ST3GAL3: variants seen among roughly 807,000 people sequenced by gnomAD.
ST3GAL3 encodes CMP-N-acetylneuraminate-beta-1,4-galactoside alpha-2,3-sialyltransferase.
In ST3GAL3, 21 loss-of-function variants were observed where a neutral mutation model predicts 50.1. The observed-to-expected ratio is 0.42, with a 90% CI of 0.30 to 0.60. The LOEUF (loss-of-function observed/expected upper bound fraction) is 0.60. ST3GAL3 is among the 20% of genes least tolerant of loss of function. ST3GAL3 has a pLI of 0.19. For missense variants in ST3GAL3, 353 were observed against 489.4 expected, an observed-to-expected ratio of 0.72 and a Z score of 2.63; for synonymous variants, 183 against 190.0, an observed-to-expected ratio of 0.96 and a Z score of 0.30.
intron 2 of ST3GAL3, among the ~76,000 whole-genome samples, chr1:43,750,984 G>T (rs1412533610): frequency 3.9e-5 from 6 of 151,904 alleles, no homozygotes; most frequent in Non-Finnish European, 8.8e-5. Context: ...AAATATTTTT[G>T]GTATATATGA....
At chr1:43,898,947 A>T in intron 7 of ST3GAL3, 1 of 600,988 alleles carries the variant, frequency 1.7e-6, no homozygotes, top group South Asian at 2.1e-5. Flanking sequence ...TTTCCTGGGG[A>T]AGTGTCAGGG....
At chr1:43,898,356 T>TTGA in intron 7 of ST3GAL3, 58 bp downstream of exon 7, 2 of 1,585,052 alleles carry the variant, frequency 1.3e-6, no homozygotes, top group South Asian at 1.1e-5. Flanking sequence ...TGCAGAGGTG[T>TTGA]TGAGGCCCAG....
At chr1:43,781,139 T>C (rs1237407828) in intron 2 of ST3GAL3, among the ~76,000 whole-genome samples, 1 of 152,160 alleles carries the variant, frequency 6.6e-6, no homozygotes, top group African/African-American at 2.4e-5. Flanking sequence ...GTTTCCAGTT[T>C]TGTGTCTCTT....
intron 4 of ST3GAL3, among the ~76,000 whole-genome samples, chr1:43,817,570 T>TCTTCCTTCTTCTTCTCCTTCTTC (rs1553350866): frequency 0.022 from 1,647 of 76,198 alleles, 3 homozygotes; most frequent in East Asian, 0.035. Context: ...TCTTCCTTCT[T>TCTTCCTTCTTCTTCTCCTTCTTC]CTTCTCCTTC....
intron 4 of ST3GAL3, among the ~76,000 whole-genome samples, chr1:43,817,662 T>TC (rs2061520708): frequency 8.5e-6 from 1 of 117,280 alleles, no homozygotes; most frequent in East Asian, 2.9e-4. Context: ...TCCTTCTCCT[T>TC]CTTCTCCTTC....
At chr1:43,805,119 A>G (rs1234859811) in intron 3 of ST3GAL3, among the ~76,000 whole-genome samples, 1 of 152,238 alleles carries the variant, frequency 6.6e-6, no homozygotes, top group Non-Finnish European at 1.5e-5. Context: ...AACTGTTTTT[A>G]AAAAGGAATT....
chr1:43,781,266 G>T (rs1699273749), intron 2 of ST3GAL3, among the ~76,000 whole-genome samples: 1 of 152,132 alleles, frequency 6.6e-6, no homozygotes. Flanking sequence ...TCCTATGCCA[G>T]ATCTAGCCCA....
At chr1:43,816,881 C>T (rs2061309281) in intron 4 of ST3GAL3, among the ~76,000 whole-genome samples, 1 of 152,172 alleles carries the variant, frequency 6.6e-6, no homozygotes, top group African/African-American at 2.4e-5. Context: ...TTTTCTAGTC[C>T]AGTGCTGTCT....
In ST3GAL3 at chr1:43,899,615, A is replaced by C. The variant is rs753333397; in HGVS notation, c.632A>C (p.Glu211Ala). Residue 211 changes from glutamate to alanine, a missense_variant, in exon 9 of 12, where the codon GAG becomes GCG. Glu to Ala is a moderately radical substitution (Grantham distance 107). Transcript: ENST00000347631. The surrounding 1 kb of genome is among the most constrained non-coding windows in gnomAD (Gnocchi z 5.4). ...ACGACACTGCGCATCACCTACCCCG[A>C]GGGCGCCATGCAGCGGCCTGAGCAG... ...SKTTLRITYPEGAMQRPEQYE... is the reference protein window; with the variant it reads ...SKTTLRITYPAGAMQRPEQYE... 5.0e-6 allele frequency: 8 copies of C among 1,614,008 alleles called. No homozygotes were observed. The highest frequency in any genetic ancestry group is 6.8e-6 in the Non-Finnish European group (8 of 1,180,048).
chr1:43,718,954 T>G (rs12140156), intron 1 of ST3GAL3: 47,710 of 151,900 alleles, frequency 0.31, 9,135 homozygotes, highest in East Asian at 0.49. Context: ...TCCCAAAGTG[T>G]TGGGATTACA....
At chr1:43,900,878 T>A (rs1332900491) in intron 9 of ST3GAL3, 1 of 152,288 alleles carries the variant, frequency 6.6e-6, no homozygotes, top group African/African-American at 2.4e-5. Context: ...AGAACCAGAC[T>A]GGATGAGACA....
chr1:43,727,423 G>A (rs572921499), intron 1 of ST3GAL3: 9 of 152,264 alleles, frequency 5.9e-5, no homozygotes, highest in African/African-American at 1.9e-4. Flanking sequence ...ACATTAATGG[G>A]GGCATTTCTC....
At chr1:43,722,792 G>A (rs190216149) in intron 1 of ST3GAL3, among the ~76,000 whole-genome samples, 1 of 152,268 alleles carries the variant, frequency 6.6e-6, no homozygotes, top group East Asian at 1.9e-4. Context: ...AAATGCTGGA[G>A]GAAGAGTAAT....
chr1:43,810,753 G>A (rs1236261000), intron 3 of ST3GAL3, among the ~76,000 whole-genome samples: 1 of 152,122 alleles, frequency 6.6e-6, no homozygotes, highest in Non-Finnish European at 1.5e-5. Flanking sequence ...GGAGCAGAGG[G>A]GCGAGGGGCG....
At chr1:43,713,986 G>C (rs6676093) in intron 1 of ST3GAL3, among the ~76,000 whole-genome samples, 3 of 152,046 alleles carry the variant, frequency 2.0e-5, no homozygotes, top group Non-Finnish European at 4.4e-5. Flanking sequence ...CATACGGGCC[G>C]GGTGCAGTAG....
At chr1:43,816,903 G>A (rs2061311431) in intron 4 of ST3GAL3, among the ~76,000 whole-genome samples, 1 of 152,194 alleles carries the variant, frequency 6.6e-6, no homozygotes, top group Non-Finnish European at 1.5e-5. Context: ...CAGAAGTCCA[G>A]TGCTGTCTCT....
chr1:43,763,611 C>T (rs1208322654), intron 2 of ST3GAL3, among the ~76,000 whole-genome samples: 2 of 152,056 alleles, frequency 1.3e-5, no homozygotes, highest in Non-Finnish European at 2.9e-5. Flanking sequence ...TAGCAGTCAC[C>T]CTGAGCCACA....
At chr1:43,803,353 A>G (rs2059523581) in intron 3 of ST3GAL3, among the ~76,000 whole-genome samples, 1 of 149,784 alleles carries the variant, frequency 6.7e-6, no homozygotes, top group Non-Finnish European at 1.5e-5. Context: ...CAGCCTGGGC[A>G]GCATAGCAAG....
chr1:43,902,162 C>T (rs771421115), intron 9 of ST3GAL3, among the ~76,000 whole-genome samples: 1 of 152,224 alleles, frequency 6.6e-6, no homozygotes, highest in Non-Finnish European at 1.5e-5. Flanking sequence ...GCTTGTCCTG[C>T]TCCTGTAGGG....
Sources: allele counts gnomAD v4.1 joint callset (sites outside exome capture counted in the v4.1 genomes callset), GRCh38; gene constraint gnomAD v4.1.1; non-coding constraint Gnocchi (gnomAD v3.1); transcripts MANE v1.5; gene names NCBI Gene and HGNC (gene_info 2026-07-23, HGNC 2026-07-21).